Variants in ZFAND4 observed in about 807,000 individuals in gnomAD.
The protein encoded by ZFAND4 is zinc finger AN1-type containing 4.
A neutral mutation model predicts 64.4 loss-of-function variants in ZFAND4; 43 were observed. The observed-to-expected ratio is 0.67, with a 90% CI of 0.52 to 0.86. ZFAND4 has a LOEUF of 0.86. ZFAND4 is among the 40% of genes least tolerant of loss of function. The pLI, the probability that ZFAND4 is intolerant of heterozygous loss-of-function variation, is 0.00. For missense variants in ZFAND4, 929 were observed against 859.8 expected (o/e 1.08, Z -1.01); for synonymous variants, 296 against 305.7 (o/e 0.97, Z 0.33).
intron 5 of ZFAND4, among the ~76,000 whole-genome samples, chr10:45,643,777 T>G (rs1269144530): frequency 6.6e-6 from 1 of 151,656 alleles, no homozygotes; most frequent in Non-Finnish European, 1.5e-5. Context: ...TGAAACAAAT[T>G]AACACTCAAT....
At chr10:45,660,079 G>A (rs994050554) in intron 2 of ZFAND4, among the ~76,000 whole-genome samples, 10 of 150,440 alleles carry the variant, frequency 6.6e-5, no homozygotes, top group South Asian at 4.2e-4. Flanking sequence ...GGAGAATGGC[G>A]TGAACCCAGG....
intron 5 of ZFAND4, among the ~76,000 whole-genome samples, chr10:45,645,553 G>A (rs148255572): frequency 6.6e-6 from 1 of 151,802 alleles, no homozygotes; most frequent in Non-Finnish European, 1.5e-5. Context: ...TTTTTACTGT[G>A]GACTTCATAA....
At chr10:45,624,691 G>A in intron 7 of ZFAND4, 54 bp from the exon 8 acceptor site, 1 of 1,421,286 alleles carries the variant, frequency 7.0e-7, no homozygotes, top group Non-Finnish European at 9.8e-7. Flanking sequence ...GAATAGAAAT[G>A]ATCAACAAAC....
Position 45,672,535 on chromosome 10 carries a change from C to T in ZFAND4, c.-403G>A, listed in dbSNP as rs2049270534. On this transcript the variant is annotated 5_prime_UTR_variant, in exon 1 of 10. Coordinates refer to ENST00000344646, the MANE Select transcript of ZFAND4 (RefSeq NM_174890.4). ...GCGAGGGGCGGGGACAGGACTCTACCCGGCAGCCCAGCGCCGAGCGCCCGC... is the reference window on the plus strand; with the variant it reads ...GCGAGGGGCGGGGACAGGACTCTACTCGGCAGCCCAGCGCCGAGCGCCCGC... The T allele has an allele frequency of 6.6e-6, 1 of 152,192 alleles. No homozygotes were observed. The highest frequency in any genetic ancestry group is 1.5e-5 in the Non-Finnish European group (1 of 68,092). 9.4% of individuals were successfully genotyped at this position (152,192 alleles called of 1,614,324 possible).
Position 45,651,502 on chromosome 10 carries a change from A to C in ZFAND4, c.328+464T>G. The C allele has an allele frequency of 1.3e-5, 6 of 462,958 alleles. 2 individuals carry two copies. In the Middle Eastern group the frequency reaches 2.0e-3, roughly 153 times the overall value. The allele number at this position is 462,958 out of a possible 1,614,324, so 28.7% of individuals were successfully genotyped here. A position where few individuals can be genotyped will look rare whatever the true frequency, so the allele number is the denominator to read the frequency against. ...GAATGACTGGATTTCAGAACTACTTATATTCTGAGAAAGGATGCAACCGGG... is the reference window on the plus strand; with the variant it reads ...GAATGACTGGATTTCAGAACTACTTCTATTCTGAGAAAGGATGCAACCGGG... On this transcript the variant is annotated intron_variant, in intron 4 of 9. Coordinates refer to ENST00000344646, the MANE Select transcript of ZFAND4 (RefSeq NM_174890.4).
intron 6 of ZFAND4, 116 bp from the exon 7 acceptor site, chr10:45,627,221 A>C: frequency 2.8e-6 from 2 of 722,258 alleles, no homozygotes; most frequent in Non-Finnish European, 4.2e-6. Context: ...TTACTATCTC[A>C]ATTTAAAATG....
chr10:45,661,669 G>A (rs2133846258), intron 2 of ZFAND4, among the ~76,000 whole-genome samples: 1 of 152,286 alleles, frequency 6.6e-6, no homozygotes, highest in East Asian at 1.9e-4. Context: ...AGCTGGGTTA[G>A]GTGGCTCACG....
At chr10:45,648,137 C>T (rs1204060339) in intron 5 of ZFAND4, among the ~76,000 whole-genome samples, 157 bp downstream of exon 5, 3 of 152,126 alleles carry the variant, frequency 2.0e-5, no homozygotes, top group Middle Eastern at 6.8e-3. Context: ...ATGAAAACAT[C>T]CCACTCTAAA....
chr10:45,637,016 A>T (rs1208203292), intron 6 of ZFAND4, among the ~76,000 whole-genome samples: 2 of 152,012 alleles, frequency 1.3e-5, no homozygotes, highest in Non-Finnish European at 2.9e-5. Flanking sequence ...AAAAAAAAAA[A>T]AAAAGATCTT....
chr10:45,630,867 G>A (rs2133609208), intron 6 of ZFAND4, among the ~76,000 whole-genome samples: 1 of 151,860 alleles, frequency 6.6e-6, no homozygotes, highest in South Asian at 2.1e-4. Context: ...TCATGCCGCT[G>A]AGGCAGGAAG....
intron 6 of ZFAND4, among the ~76,000 whole-genome samples, chr10:45,630,583 C>G (rs1387937487): frequency 6.6e-6 from 1 of 151,822 alleles, no homozygotes; most frequent in African/African-American, 2.4e-5. Flanking sequence ...AAAAAATTAG[C>G]CGGGCGTGGT....
At chr10:45,659,533 A>G (rs879647863) in intron 2 of ZFAND4, among the ~76,000 whole-genome samples, 49 of 152,312 alleles carry the variant, frequency 3.2e-4, no homozygotes, top group South Asian at 1.0e-3. Context: ...ATTTACCTCA[A>G]TTCCTATTAC....
chr10:45,616,578 C>T lies in ZFAND4; in HGVS notation c.2049-7G>A. ...ACAGAAGTTGTTTCCACATCTAAAGCACAAAAAAAGTTTACGTGAATAGTT... is the reference window on the plus strand; with the variant it reads ...ACAGAAGTTGTTTCCACATCTAAAGTACAAAAAAAGTTTACGTGAATAGTT... On this transcript the variant is annotated splice_polypyrimidine_tract_variant and splice_region_variant and intron_variant, in intron 9 of 9. Coordinates refer to ENST00000344646, the MANE Select transcript of ZFAND4 (RefSeq NM_174890.4). The T allele has an allele frequency of 1.9e-6, 3 of 1,612,290 alleles. No individual in the cohort carries two copies. The highest frequency in any genetic ancestry group is 2.5e-6 in the Non-Finnish European group (3 of 1,179,390).
At chr10:45,663,321 C>G (rs1361089665) in intron 2 of ZFAND4, among the ~76,000 whole-genome samples, 1 of 152,036 alleles carries the variant, frequency 6.6e-6, no homozygotes, top group East Asian at 1.9e-4. Context: ...TAGCATGATG[C>G]CAGGGATTTG....
intron 2 of ZFAND4, among the ~76,000 whole-genome samples, chr10:45,660,782 G>GA (rs1191665648): frequency 1.3e-5 from 2 of 151,848 alleles, no homozygotes; most frequent in South Asian, 2.1e-4. Context: ...AGTGTTGAAA[G>GA]AAAAAAAATA....
intron 5 of ZFAND4, chr10:45,640,423 T>TAAA (rs35229531): frequency 1.4e-3 from 1,314 of 916,768 alleles, no homozygotes; most frequent in African/African-American, 3.9e-3. Context: ...AGATTCTCAC[T>TAAA]AAAAAAAAAA....
At chr10:45,639,741 A>G in intron 6 of ZFAND4, 75 bp downstream of exon 6, 7 of 1,467,786 alleles carry the variant, frequency 4.8e-6, no homozygotes, top group Non-Finnish European at 6.3e-6. Flanking sequence ...TTTCACAATG[A>G]CCAACAGACC....
intron 2 of ZFAND4, among the ~76,000 whole-genome samples, chr10:45,655,569 A>G (rs1238558345): frequency 1.3e-5 from 2 of 152,236 alleles, no homozygotes; most frequent in African/African-American, 4.8e-5. Flanking sequence ...CAATAAATAA[A>G]AGTTTGGTTC....
At chr10:45,619,309 G>T (rs2045244156) in intron 8 of ZFAND4, among the ~76,000 whole-genome samples, 1 of 152,030 alleles carries the variant, frequency 6.6e-6, no homozygotes. Flanking sequence ...CTCCCAAAGT[G>T]CTGGGATTAC....
Sources: gnomAD v4.1 joint callset for allele counts (sites outside exome capture counted in the v4.1 genomes callset) on GRCh38, gnomAD v4.1.1 for gene constraint, MANE v1.5 for transcripts, NCBI Gene and HGNC (gene_info 2026-07-23, HGNC 2026-07-21) for gene names.